BLACAT1: variants seen among roughly 807,000 people sequenced by gnomAD.
BLACAT1 encodes bladder cancer associated transcript 1.
downstream of BLACAT1, chr1:205,437,958 T>C (rs1287693880): frequency 2.0e-5 from 3 of 152,144 alleles, no homozygotes; most frequent in African/African-American, 7.2e-5. Flanking sequence ...TCCCTATATA[T>C]TTCTATGAAC....
chr1:205,437,950 CCTATATATTT>C (rs550091508), downstream of BLACAT1: 1 of 152,078 alleles, frequency 6.6e-6, no homozygotes, highest in Non-Finnish European at 1.5e-5. Context: ...TAACAATCTC[CCTATATATTT>C]CTATGAACCC....
At position 205,448,187 on chromosome 1, in the gene BLACAT1, G is replaced by A. The variant is rs1364461713; in HGVS notation, c.-36-7125C>T. ...GGCCAAGGTCACACGGCTTAGCCCC[G>A]ATCCCAGGTTACCAGATCCCGTGAT... On this transcript the variant is annotated intron_variant, in intron 1 of 1. Transcript: ENST00000629624. The surrounding 1 kb of genome is among the most constrained non-coding windows in gnomAD (Gnocchi z 4.7). The A allele has an allele frequency of 3.9e-5, 17 of 436,148 alleles. No individual in the cohort carries two copies. The highest frequency in any genetic ancestry group is 1.2e-4 in the Admixed American group (5 of 40,584). The allele number at this position is 436,148 out of a possible 1,614,324, so 27.0% of individuals were successfully genotyped here.
chr1:205,449,207 A>T (rs1666453821), intron 1 of BLACAT1, among the ~76,000 whole-genome samples: 1 of 152,134 alleles, frequency 6.6e-6, no homozygotes, highest in African/African-American at 2.4e-5. Context: ...TGGATTGAAG[A>T]GCTGAGTTAA....
chr1:205,448,542 C>A lies in BLACAT1; in HGVS notation c.-37+7375G>T. 1 of 368,204 alleles carries A rather than the reference C, an allele frequency of 2.7e-6. No individual in the cohort carries two copies. The highest frequency in any genetic ancestry group is 2.1e-5 in the South Asian group (1 of 48,612). 22.8% of individuals were successfully genotyped at this position (368,204 alleles called of 1,614,324 possible). A position where few individuals can be genotyped will look rare whatever the true frequency, so the allele number is the denominator to read the frequency against. ...CTGGGCCCCCCAGGTTAAATTCTCT[C>A]ACCATCTTCCACCACCTGCACTAAA... On this transcript the variant is annotated intron_variant, in intron 1 of 1. Transcript: ENST00000629624. This position sits in a 1 kb window ranked among gnomAD's most constrained non-coding sequence, Gnocchi z 4.7.
downstream of BLACAT1, chr1:205,435,547 A>T (rs940096462): frequency 1.3e-5 from 2 of 152,232 alleles, no homozygotes; most frequent in Non-Finnish European, 2.9e-5. Context: ...GGACAGAAGA[A>T]AGGGAAGTAC....
chr1:205,447,118 T>C (rs1348154483), intron 1 of BLACAT1, among the ~76,000 whole-genome samples: 1 of 152,220 alleles, frequency 6.6e-6, no homozygotes, highest in Non-Finnish European at 1.5e-5. Flanking sequence ...GCTCTCCCAA[T>C]ATGCAGCATG....
rs1666476210 is a variant in BLACAT1 at position 205,450,249 on chromosome 1, T to A, written c.-37+5668A>T. ...ACCTCTTGTATCTACTGGCTTTTGA[T>A]CTCACTCCCTCTGAACCAGCCATGT... is the stretch of plus-strand genomic sequence containing the variant. On this transcript the variant is annotated intron_variant, in intron 1 of 1. Transcript: ENST00000629624. The surrounding 1 kb of genome is among the most constrained non-coding windows in gnomAD (Gnocchi z 4.4). 6.6e-6 allele frequency among the ~76,000 whole-genome samples: 1 copy of A among 151,896 alleles called. No individual in the cohort carries two copies. Among genetic ancestry groups the A allele is most frequent in the East Asian group, 1.9e-4 (1 of 5,164 alleles).
intron 1 of BLACAT1, 76 bp downstream of exon 1, chr1:205,455,841 A>T (rs1666556401): frequency 6.6e-6 from 1 of 152,062 alleles, no homozygotes; most frequent in Non-Finnish European, 1.5e-5. Flanking sequence ...CCTCAGCCGC[A>T]CTCGGGCCCC....
At chr1:205,451,859 A>C (rs1180898117) in intron 1 of BLACAT1, among the ~76,000 whole-genome samples, 1 of 152,092 alleles carries the variant, frequency 6.6e-6, no homozygotes, top group Non-Finnish European at 1.5e-5. Context: ...GAGAAAACTG[A>C]GGTTGATGGA....
In BLACAT1 at chr1:205,448,062, G is replaced by A. The variant is rs546583268; in HGVS notation, c.-36-7000C>T. Among the ~76,000 whole-genome samples the A allele has an allele frequency of 6.6e-6, 1 of 152,310 alleles. No homozygotes were observed. The highest frequency in any genetic ancestry group is 1.9e-4 in the East Asian group (1 of 5,172). On this transcript the variant is annotated intron_variant, in intron 1 of 1. Transcript: ENST00000629624. The surrounding 1 kb of genome is among the most constrained non-coding windows in gnomAD (Gnocchi z 4.7). ...CGACTCAGAAAGCTCAGCACACCCT[G>A]AAGGTCTCCTTCCTTCCTCAGAGGG...
chr1:205,452,152 G>A (rs530408289), intron 1 of BLACAT1, among the ~76,000 whole-genome samples: 2 of 152,256 alleles, frequency 1.3e-5, no homozygotes, highest in African/African-American at 4.8e-5. Flanking sequence ...TAATCTTAGT[G>A]CAAGCTGCAG....
intron 1 of BLACAT1, among the ~76,000 whole-genome samples, chr1:205,454,233 T>C (rs191926686): frequency 1.3e-5 from 2 of 152,314 alleles, no homozygotes; most frequent in Admixed American, 6.5e-5. Context: ...CCCATATGCA[T>C]ATGACTGCAA....
chr1:205,437,920 CTCT>C (rs958876512), downstream of BLACAT1: 14 of 152,298 alleles, frequency 9.2e-5, no homozygotes, highest in African/African-American at 3.4e-4. Flanking sequence ...TTAATTATTG[CTCT>C]TTTTTTTTCC....
At chr1:205,437,039 C>G (rs1666221144), downstream of BLACAT1, 1 of 152,678 alleles carries the variant, frequency 6.5e-6, no homozygotes, top group Non-Finnish European at 1.5e-5. Context: ...GGCTGTGGCT[C>G]TCCATCCAGA....
chr1:205,445,112 G>A (rs975327305), intron 1 of BLACAT1, among the ~76,000 whole-genome samples: 2 of 152,160 alleles, frequency 1.3e-5, no homozygotes, highest in Non-Finnish European at 2.9e-5. Flanking sequence ...GGATTAGCTC[G>A]GGCGGTGGAG....
intron 1 of BLACAT1, among the ~76,000 whole-genome samples, chr1:205,454,974 G>A (rs1666545305): frequency 1.3e-5 from 2 of 152,190 alleles, no homozygotes; most frequent in South Asian, 4.1e-4. Flanking sequence ...GGAGGCTGTG[G>A]AATGTTGGTC....
At chr1:205,439,509 C>A (rs957388664), downstream of BLACAT1, among the ~76,000 whole-genome samples, 2 of 152,204 alleles carry the variant, frequency 1.3e-5, no homozygotes, top group African/African-American at 4.8e-5. Context: ...CCTTGCTTCT[C>A]CCAGGTTTTG....
At chr1:205,455,671 A>G (rs1575015914) in intron 1 of BLACAT1, among the ~76,000 whole-genome samples, 1 of 152,126 alleles carries the variant, frequency 6.6e-6, no homozygotes, top group African/African-American at 2.4e-5. Flanking sequence ...AACAAAGGCA[A>G]TGGGGGCGGG....
downstream of BLACAT1, chr1:205,435,314 G>A (rs1666188622): frequency 6.6e-6 from 1 of 152,266 alleles, no homozygotes; most frequent in South Asian, 2.1e-4. Context: ...TGGAGGTGGG[G>A]ACATAAGGAG....
Sources: gnomAD v4.1 joint callset for allele counts (sites outside exome capture counted in the v4.1 genomes callset) on GRCh38, gnomAD v4.1.1 for gene constraint, Gnocchi (gnomAD v3.1) non-coding constraint, MANE v1.5 for transcripts, NCBI Gene and HGNC (gene_info 2026-07-23, HGNC 2026-07-21) for gene names.